SGCD: variants seen among roughly 807,000 people sequenced by gnomAD.
SGCD encodes sarcoglycan delta.
Under a neutral mutation model 36.6 loss-of-function variants are expected in SGCD, and 18 were observed. That is an observed-to-expected ratio of 0.49 (90% CI 0.34 to 0.73). SGCD has a LOEUF of 0.73. Among genes scored for constraint, SGCD ranks in the 30% least tolerant of loss-of-function variants. SGCD has a pLI of 0.01. For synonymous variants in SGCD, 133 were observed against 130.6 expected, an observed-to-expected ratio of 1.02 and a Z score of -0.12; for missense variants, 387 against 346.7, an observed-to-expected ratio of 1.12 and a Z score of -0.92.
the SGCD span, among the ~76,000 whole-genome samples, chr5:155,825,902 C>G: frequency 6.6e-6 from 1 of 152,002 alleles, no homozygotes; most frequent in Non-Finnish European, 1.5e-5. Flanking sequence ...GCACCTGCCA[C>G]CACACCCAAC....
At chr5:156,369,892 A>G (rs1171464369) in intron 3 of SGCD, among the ~76,000 whole-genome samples, 1 of 152,240 alleles carries the variant, frequency 6.6e-6, no homozygotes, top group Non-Finnish European at 1.5e-5. Flanking sequence ...AAGTTGAATC[A>G]GGCTACTTGT....
At chr5:156,252,375 C>A (rs754055510) in intron 3 of SGCD, among the ~76,000 whole-genome samples, 2 of 152,002 alleles carry the variant, frequency 1.3e-5, no homozygotes, top group Non-Finnish European at 2.9e-5. Context: ...CTGTGCCTGG[C>A]GATATTAACA....
intron 1 of SGCD, among the ~76,000 whole-genome samples, chr5:156,092,182 T>A (rs1392264352): frequency 6.6e-6 from 1 of 152,230 alleles, no homozygotes; most frequent in Non-Finnish European, 1.5e-5. Context: ...AAACTAGGGA[T>A]TCAAATCTAG....
intron 6 of SGCD, among the ~76,000 whole-genome samples, chr5:156,642,294 C>T (rs972205298): frequency 2.1e-4 from 32 of 152,128 alleles, no homozygotes; most frequent in African/African-American, 7.0e-4. Context: ...TAATCCATAA[C>T]ATGCAGCTAC....
At chr5:155,934,179 A>T (rs1757152014) in intron 1 of SGCD, among the ~76,000 whole-genome samples, 1 of 152,252 alleles carries the variant, frequency 6.6e-6, no homozygotes, top group Admixed American at 6.5e-5. Context: ...TCACCAACTC[A>T]TGGTAGAGAA....
chr5:156,390,394 C>G (rs1017041979), intron 3 of SGCD, among the ~76,000 whole-genome samples: 1 of 152,116 alleles, frequency 6.6e-6, no homozygotes, highest in African/African-American at 2.4e-5. Context: ...CTGTGTAGCC[C>G]TAGGCTAATG....
intron 3 of SGCD, among the ~76,000 whole-genome samples, chr5:156,168,999 C>T (rs940769172): frequency 1.2e-4 from 18 of 152,278 alleles, no homozygotes; most frequent in Non-Finnish European, 2.4e-4. Flanking sequence ...CCTGTAACTA[C>T]GAATCAAAAG....
chr5:156,486,216 G>T (rs1380079983), intron 3 of SGCD, among the ~76,000 whole-genome samples: 1 of 151,910 alleles, frequency 6.6e-6, no homozygotes, highest in African/African-American at 2.4e-5. Flanking sequence ...AGTTTTCTGG[G>T]TGGACATGAG....
the SGCD span, among the ~76,000 whole-genome samples, chr5:155,787,897 C>G: frequency 1.9e-4 from 29 of 152,176 alleles, no homozygotes; most frequent in Admixed American, 1.6e-3. Flanking sequence ...TTGCCTAAAG[C>G]TTTTATAGAT....
intron 3 of SGCD, among the ~76,000 whole-genome samples, chr5:156,170,701 G>A: frequency 6.6e-6 from 1 of 152,152 alleles, no homozygotes; most frequent in East Asian, 1.9e-4. Flanking sequence ...TAGTAGGACA[G>A]GTCAGGAAAC....
intron 1 of SGCD, among the ~76,000 whole-genome samples, chr5:156,327,948 A>G (rs1019452258): frequency 6.6e-6 from 1 of 152,258 alleles, no homozygotes; most frequent in African/African-American, 2.4e-5. Flanking sequence ...TTTAGGAAAC[A>G]TAGATAATAA....
At chr5:155,738,207 T>C in the SGCD span, among the ~76,000 whole-genome samples, 1 of 152,164 alleles carries the variant, frequency 6.6e-6, no homozygotes, top group Non-Finnish European at 1.5e-5. Flanking sequence ...CTACTTGAAC[T>C]GGGGGCAGAA....
In SGCD at chr5:156,329,592, C is replaced by T. The variant is rs768506031; in HGVS notation, c.3+13C>T. The T allele has an allele frequency of 1.8e-5, 29 of 1,611,762 alleles. No individual in the cohort carries two copies. The highest frequency in any genetic ancestry group is 5.5e-5 in the South Asian group (5 of 90,800). On this transcript the variant is annotated intron_variant, in intron 2 of 8. Transcript: ENST00000337851. ...CCAGGTGGAGATGGTGAGTAATTCC[C>T]GGGAGCGAAGCTTGTTCAAGGCCCT...
chr5:156,514,478 A>T (rs560134856), intron 4 of SGCD, among the ~76,000 whole-genome samples: 1 of 152,356 alleles, frequency 6.6e-6, no homozygotes, highest in East Asian at 1.9e-4. Flanking sequence ...GTAGAAAGAA[A>T]ACTTGAATGG....
intron 7 of SGCD, among the ~76,000 whole-genome samples, chr5:156,669,358 TA>T (rs1487378917): frequency 1.3e-5 from 2 of 152,152 alleles, no homozygotes; most frequent in Admixed American, 1.3e-4. Flanking sequence ...GGAGGTCACA[TA>T]AGCCCCCTCC....
At chr5:156,526,750 T>G (rs1008553531) in intron 4 of SGCD, among the ~76,000 whole-genome samples, 2 of 152,192 alleles carry the variant, frequency 1.3e-5, no homozygotes, top group Non-Finnish European at 1.5e-5. Context: ...ACATTTTTTT[T>G]AAACAGACAC....
chr5:155,987,865 C>T (rs1432607643), intron 1 of SGCD, among the ~76,000 whole-genome samples: 1 of 152,148 alleles, frequency 6.6e-6, no homozygotes, highest in Non-Finnish European at 1.5e-5. Context: ...CCCTCATTGA[C>T]ATTTAAATAT....
intron 1 of SGCD, among the ~76,000 whole-genome samples, chr5:155,989,329 T>TATAC (rs1348638671): frequency 6.6e-6 from 1 of 152,226 alleles, no homozygotes. Flanking sequence ...TTGAATTTGA[T>TATAC]ATACTTTTCA....
At chr5:156,589,742 C>A (rs1760648286) in intron 5 of SGCD, among the ~76,000 whole-genome samples, 1 of 152,166 alleles carries the variant, frequency 6.6e-6, no homozygotes, top group South Asian at 2.1e-4. Flanking sequence ...GGATTTTTAA[C>A]TATAGTTTGA....
Sources: allele counts gnomAD v4.1 joint callset (sites outside exome capture counted in the v4.1 genomes callset), GRCh38; gene constraint gnomAD v4.1.1; transcripts MANE v1.5; gene names NCBI Gene and HGNC (gene_info 2026-07-23, HGNC 2026-07-21).